NEXN: variants seen among roughly 807,000 people sequenced by gnomAD.
The protein encoded by NEXN is nexilin.
NEXN carries 65 observed loss-of-function variants against 92.6 expected under a neutral mutation model. The observed-to-expected ratio is 0.70, with a 90% confidence interval of 0.57 to 0.86. The LOEUF is 0.86. NEXN is among the 40% of genes least tolerant of loss of function. The pLI is 0.00. For missense variants in NEXN, 778 were observed against 771.1 expected, an observed-to-expected ratio of 1.01 and a Z score of -0.11; for synonymous variants, 254 against 242.5, an observed-to-expected ratio of 1.05 and a Z score of -0.44.
At chr1:77,928,041 G>A (rs1649999982) in intron 8 of NEXN, among the ~76,000 whole-genome samples, 2 of 151,998 alleles carry the variant, frequency 1.3e-5, no homozygotes, top group African/African-American at 2.4e-5. Context: ...CAGGCATGGT[G>A]GCCATGCCTG....
At chr1:77,925,770 A>G (rs1460018648) in intron 6 of NEXN, among the ~76,000 whole-genome samples, 1 of 152,168 alleles carries the variant, frequency 6.6e-6, no homozygotes, top group African/African-American at 2.4e-5. Context: ...ATAAATTGGG[A>G]GCAATTTTAT....
At chr1:77,921,039 A>G (rs1170194404) in intron 5 of NEXN, among the ~76,000 whole-genome samples, 4 of 152,212 alleles carry the variant, frequency 2.6e-5, no homozygotes, top group East Asian at 1.9e-4. Flanking sequence ...GTATTCTCCA[A>G]TGTTTTCTTG....
intron 10 of NEXN, among the ~76,000 whole-genome samples, chr1:77,935,022 T>C (rs1650633456): frequency 6.6e-6 from 1 of 152,116 alleles, no homozygotes; most frequent in South Asian, 2.1e-4. Flanking sequence ...GCCTGCACAG[T>C]ATCAGAGCCA....
intron 1 of NEXN, among the ~76,000 whole-genome samples, chr1:77,895,534 A>G (rs561165903): frequency 2.0e-5 from 3 of 152,298 alleles, no homozygotes; most frequent in South Asian, 2.1e-4. Flanking sequence ...TTCAACATTT[A>G]CTTGTAGCAT....
rs922263550 is a variant in NEXN, at chr1:77,918,245, A to G, written c.419A>G (p.Gln140Arg). 1.2e-6 allele frequency: 2 copies of G among 1,614,068 alleles called. No individual in the cohort carries two copies. Among genetic ancestry groups the G allele is most frequent in the African/African-American group, 2.7e-5 (2 of 74,944 alleles). The part of the protein sequence containing the change: ...EQDMLEKRKI[Q>R]RELAKRAEQI... ...GATATGTTAGAAAAGAGGAAAATAC[A>G]GCGTGAATTAGCAAAAAGGGCTGAA... The change falls in exon 5 of 13, where the codon CAG becomes CGG. Residue 140 changes from glutamine (Q) to arginine (R), a missense_variant. By Grantham distance (43) the Gln-to-Arg change is conservative (BLOSUM62 1). Around this residue, in one of 3 missense-constraint regions of NEXN, gnomAD observed 236 missense variants for 265.6 expected, o/e 0.89. Coordinates refer to ENST00000334785, the MANE Select transcript of NEXN (RefSeq NM_144573.4).
chr1:77,925,152 GATGTA>G (rs1373593671), intron 5 of NEXN, 31 bp from the exon 6 acceptor site: 19 of 1,402,158 alleles, frequency 1.4e-5, no homozygotes, highest in Non-Finnish European at 1.7e-5. Flanking sequence ...GTAGAAATCT[GATGTA>G]ATGTAATGAT....
chr1:77,940,820 GTTCA>G (rs749226886), intron 11 of NEXN, among the ~76,000 whole-genome samples: 3 of 152,124 alleles, frequency 2.0e-5, no homozygotes, highest in African/African-American at 4.8e-5. Context: ...AAAAAATGCT[GTTCA>G]TTCATTCATT....
intron 1 of NEXN, among the ~76,000 whole-genome samples, chr1:77,889,926 C>T (rs1345382398): frequency 6.6e-6 from 1 of 152,126 alleles, no homozygotes; most frequent in Non-Finnish European, 1.5e-5. Context: ...ATATCTTAGT[C>T]ACACGTTATT....
rs558149605 is a variant in NEXN, at chr1:77,920,788, G to T, written c.447+2515G>T. Among the ~76,000 whole-genome samples, 6 of 151,688 alleles carry T rather than the reference G, an allele frequency of 4.0e-5. No individual in the cohort carries two copies. The South Asian group carries it at 1.2e-3, about 32-fold the overall frequency. ...GTCCATCAGCTTAGAAAAAAGAGGAGTTACTGGTGAGGGAAGAGAAGGAGA... is the reference window on the plus strand; with the variant it reads ...GTCCATCAGCTTAGAAAAAAGAGGATTTACTGGTGAGGGAAGAGAAGGAGA... On this transcript the variant is annotated intron_variant, in intron 5 of 12. Coordinates refer to ENST00000334785, the MANE Select transcript of NEXN (RefSeq NM_144573.4).
chr1:77,938,622 C>T (rs1386184046), intron 11 of NEXN, among the ~76,000 whole-genome samples: 1 of 149,764 alleles, frequency 6.7e-6, no homozygotes, highest in Admixed American at 6.6e-5. Context: ...AGTCTAATGA[C>T]GTATGATGAA....
At chr1:77,928,871 C>T (rs745809719) in intron 8 of NEXN, among the ~76,000 whole-genome samples, 3 of 152,134 alleles carry the variant, frequency 2.0e-5, no homozygotes, top group African/African-American at 4.8e-5. Context: ...CTCAGCTTCT[C>T]GAGTAGCTGG....
Position 77,899,057 on chromosome 1 carries a change from G to A in NEXN, c.-53+10298G>A, listed in dbSNP as rs553755636. 1.3e-3 allele frequency among the ~76,000 whole-genome samples: 191 copies of A among 152,106 alleles called. 1 individual carries two copies. In the East Asian group the frequency reaches 0.014, roughly 12 times the overall value. On this transcript the variant is annotated intron_variant, in intron 1 of 12. Coordinates refer to ENST00000334785, the MANE Select transcript of NEXN (RefSeq NM_144573.4). ...AAATAGGAACACTTTTACACTGTTG[G>A]TGGGACTGTAAACTAGTTCAACTAT... is the stretch of plus-strand genomic sequence containing the variant.
chr1:77,916,238 C>T, intron 2 of NEXN, 105 bp downstream of exon 2: 16 of 742,036 alleles, frequency 2.2e-5, no homozygotes, highest in Non-Finnish European at 3.5e-5. Context: ...TTTAGGAGTT[C>T]ATAATTAATA....
rs199720912 is a variant in NEXN, at chr1:77,917,984, G to A, written c.244G>A (p.Asp82Asn). ...GATTAAAGAAATGCTTGCTTCTGAT[G>A]ATGAGGAAGATGTATCTTCTAAAGT... Reference protein sequence around the residue: ...QEIKEMLASDDEEDVSSKVEK... With the variant: ...QEIKEMLASDNEEDVSSKVEK... Residue 82 changes from aspartate (D) to asparagine (N), a missense_variant, in exon 4 of 13, where the codon GAT becomes AAT. Around this residue, in one of 3 missense-constraint regions of NEXN, gnomAD observed 236 missense variants for 265.6 expected, o/e 0.89. Coordinates refer to ENST00000334785, the MANE Select transcript of NEXN (RefSeq NM_144573.4). The A allele has an allele frequency of 6.2e-7, 1 of 1,613,288 alleles. No individual in the cohort carries two copies. The highest frequency in any genetic ancestry group is 8.5e-7 in the Non-Finnish European group (1 of 1,179,546).
rs1014392733 is a variant in NEXN at position 77,903,548 on chromosome 1, G to T, written c.-52-12507G>T. The stretch of plus-strand genomic sequence containing the variant: ...CTTCTCATTTTGTAAGTTTATTAAT[G>T]AAAATTATAGTGATACATATGAAGA... On this transcript the variant is annotated intron_variant, in intron 1 of 12. Coordinates refer to ENST00000334785, the MANE Select transcript of NEXN (RefSeq NM_144573.4). Among the ~76,000 whole-genome samples the T allele has an allele frequency of 1.6e-4, 24 of 152,108 alleles. 1 individual carries two copies. The highest frequency in any genetic ancestry group is 6.6e-5 in the Admixed American group (1 of 15,262).
At chr1:77,919,764 T>A (rs974163965) in intron 5 of NEXN, among the ~76,000 whole-genome samples, 3 of 152,100 alleles carry the variant, frequency 2.0e-5, no homozygotes, top group African/African-American at 7.2e-5. Context: ...CACGTCTGGC[T>A]AATTTTTGTA....
chr1:77,928,770 T>C (rs1382046665), intron 8 of NEXN, among the ~76,000 whole-genome samples: 1 of 152,122 alleles, frequency 6.6e-6, no homozygotes, highest in Non-Finnish European at 1.5e-5. Flanking sequence ...AGTACACACA[T>C]ACGCATTTTA....
At position 77,942,101 on chromosome 1, in the gene NEXN, G is replaced by C. The variant is rs1170576253; in HGVS notation, c.1552G>C (p.Glu518Gln). 2 of 1,613,516 alleles carry C rather than the reference G, an allele frequency of 1.2e-6. No individual in the cohort carries two copies. The highest frequency in any genetic ancestry group is 1.3e-5 in the African/African-American group (1 of 74,880). The change falls in exon 12 of 13, where the codon GAA becomes CAA. Residue 518 changes from glutamate to glutamine, a missense_variant. By Grantham distance (29) the Glu-to-Gln change is conservative (BLOSUM62 2). Transcript: ENST00000334785. ...CAAAGTGAATATGAAAGCTAGATTT[G>C]AACAAATGGCTAAGGCAAGAGAAGA... ...THKVNMKARF[E>Q]QMAKAREEEE...
chr1:77,894,553 G>T (rs1045754302), intron 1 of NEXN, among the ~76,000 whole-genome samples: 5 of 151,744 alleles, frequency 3.3e-5, no homozygotes, highest in African/African-American at 9.7e-5. Context: ...CAGTCCTCCC[G>T]CCTCAGCCTT....
Sources: allele counts gnomAD v4.1 joint callset (sites outside exome capture counted in the v4.1 genomes callset), GRCh38; gene constraint gnomAD v4.1.1; regional missense constraint gnomAD v4.1.1; transcripts MANE v1.5; gene names NCBI Gene and HGNC (gene_info 2026-07-23, HGNC 2026-07-21).